The following C1QTNF7 variants were observed in gnomAD, a reference collection of about 807,000 sequenced individuals.
The protein encoded by C1QTNF7 is C1q and TNF related 7, also known as complement C1q tumor necrosis factor-related protein 7.
C1QTNF7 carries 15 observed loss-of-function variants against 19.6 expected under a neutral mutation model. That is an observed-to-expected ratio of 0.76 (90% CI 0.51 to 1.18). C1QTNF7 has a LOEUF of 1.18. Ranked by LOEUF, C1QTNF7 falls within the 50% of genes most tolerant of loss-of-function variation. The pLI, the probability that C1QTNF7 is intolerant of heterozygous loss-of-function variation, is 0.00. For synonymous variants in C1QTNF7, 142 were observed against 137.5 expected (o/e 1.03, Z -0.23); for missense variants, 324 against 359.7 (o/e 0.90, Z 0.80).
At chr4:15,346,108 G>T (rs1716709952) in intron 1 of C1QTNF7, among the ~76,000 whole-genome samples, 1 of 152,144 alleles carries the variant, frequency 6.6e-6, no homozygotes, top group African/African-American at 2.4e-5. Context: ...ATTTCTTAAT[G>T]AAATTTATTT....
At chr4:15,413,375 T>C (rs924733463) in intron 1 of C1QTNF7, among the ~76,000 whole-genome samples, 9 of 152,194 alleles carry the variant, frequency 5.9e-5, no homozygotes, top group Non-Finnish European at 1.3e-4. Flanking sequence ...GTGTAAGAAA[T>C]GGATAACACT....
chr4:15,359,902 G>A (rs1027352430), intron 1 of C1QTNF7, among the ~76,000 whole-genome samples: 15 of 152,128 alleles, frequency 9.9e-5, no homozygotes, highest in African/African-American at 2.9e-4. Flanking sequence ...GCAAGCCCCA[G>A]TACCTACTCC....
chr4:15,407,702 C>T (rs778881901), intron 1 of C1QTNF7, among the ~76,000 whole-genome samples: 8 of 152,156 alleles, frequency 5.3e-5, no homozygotes, highest in Non-Finnish European at 1.0e-4. Flanking sequence ...TGGTGGAATC[C>T]GCACAGCCTG....
chr4:15,353,150 T>C (rs530598994), intron 1 of C1QTNF7, among the ~76,000 whole-genome samples: 2 of 152,310 alleles, frequency 1.3e-5, no homozygotes, highest in Admixed American at 1.3e-4. Flanking sequence ...AAATATTGTT[T>C]TCTCTCCCAA....
At chr4:15,340,470 G>A (rs1190732811) in intron 1 of C1QTNF7, among the ~76,000 whole-genome samples, 1 of 152,124 alleles carries the variant, frequency 6.6e-6, no homozygotes, top group Non-Finnish European at 1.5e-5. Context: ...TGTAAGCGGA[G>A]TCTTCAAAAT....
chr4:15,442,976 T>C lies in C1QTNF7; in HGVS notation c.*177T>C, dbSNP rs1712848247. 1.8e-6 allele frequency: 1 copy of C among 556,232 alleles called. No individual in the cohort carries two copies. Among genetic ancestry groups the C allele is most frequent in the African/African-American group, 1.9e-5 (1 of 52,634 alleles). 34.5% of individuals were successfully genotyped at this position (556,232 alleles called of 1,614,324 possible). A position where few individuals can be genotyped will look rare whatever the true frequency, so the allele number is the denominator to read the frequency against. Reference sequence around the variant, plus strand: ...CAGAAAAGTTGAAACCACAACAAAATGAATTCTATTAAAGAATAGCCCCAG... The same window carrying C: ...CAGAAAAGTTGAAACCACAACAAAACGAATTCTATTAAAGAATAGCCCCAG... On this transcript the variant is annotated 3_prime_UTR_variant, in exon 3 of 3. Transcript: ENST00000444304.
At chr4:15,370,382 T>A (rs1717676704) in intron 1 of C1QTNF7, among the ~76,000 whole-genome samples, 1 of 152,208 alleles carries the variant, frequency 6.6e-6, no homozygotes, top group Non-Finnish European at 1.5e-5. Context: ...GTTTCCACTC[T>A]GTAACTGACA....
intron 1 of C1QTNF7, among the ~76,000 whole-genome samples, chr4:15,363,942 ACT>A (rs1717427262): frequency 6.6e-6 from 1 of 152,170 alleles, no homozygotes; most frequent in African/African-American, 2.4e-5. Flanking sequence ...CAGAGCAGAC[ACT>A]CAAAAAATGG....
At chr4:15,414,101 C>A (rs564731104) in intron 1 of C1QTNF7, among the ~76,000 whole-genome samples, 5 of 152,264 alleles carry the variant, frequency 3.3e-5, no homozygotes, top group African/African-American at 1.2e-4. Context: ...TATGTCTCTC[C>A]TAGAGTTCTG....
intron 1 of C1QTNF7, among the ~76,000 whole-genome samples, chr4:15,411,073 C>T (rs1264037482): frequency 6.6e-6 from 1 of 152,186 alleles, no homozygotes; most frequent in East Asian, 1.9e-4. Context: ...AATGTACGTG[C>T]ATACTAACTT....
chr4:15,407,763 T>TTA (rs1168537787), intron 1 of C1QTNF7, among the ~76,000 whole-genome samples: 3 of 152,070 alleles, frequency 2.0e-5, no homozygotes, highest in East Asian at 1.9e-4. Context: ...CTCCTTCATG[T>TTA]TATATATATA....
At chr4:15,424,590 G>A (rs756641099), upstream of C1QTNF7, among the ~76,000 whole-genome samples, 2 of 152,208 alleles carry the variant, frequency 1.3e-5, no homozygotes, top group African/African-American at 4.8e-5. Flanking sequence ...GTCCCATCAC[G>A]ATGGCCCCAC....
chr4:15,391,899 C>T, intron 1 of C1QTNF7, among the ~76,000 whole-genome samples: 1 of 152,064 alleles, frequency 6.6e-6, no homozygotes, highest in East Asian at 1.9e-4. Context: ...AGGTCCAAAA[C>T]CCATGTTCTT....
Position 15,435,938 on chromosome 4 carries a change from T to C in C1QTNF7, c.195T>C (p.Gly65=). 1 of 1,613,968 alleles carries C rather than the reference T, an allele frequency of 6.2e-7. No individual in the cohort carries two copies. The highest frequency in any genetic ancestry group is 1.1e-5 in the South Asian group (1 of 91,066). The change falls in exon 2 of 3, where the codon GGT becomes GGC. Residue 65 remains glycine (G), a synonymous_variant. Coordinates refer to ENST00000444304, the MANE Select transcript of C1QTNF7 (RefSeq NM_031911.5). The part of the protein sequence containing the change: ...HGRIGLPGRD[G]RDGRKGEKGE... ...GCATCGGCCTTCCAGGAAGAGATGGTAGAGACGGCAGGAAAGGAGAGAAAG... is the reference window on the plus strand; with the variant it reads ...GCATCGGCCTTCCAGGAAGAGATGGCAGAGACGGCAGGAAAGGAGAGAAAG...
chr4:15,368,774 A>C (rs1717621391), intron 1 of C1QTNF7, among the ~76,000 whole-genome samples: 1 of 152,232 alleles, frequency 6.6e-6, no homozygotes, highest in Non-Finnish European at 1.5e-5. Flanking sequence ...TCTTTATAGC[A>C]GCATGATTTA....
At chr4:15,364,065 C>T (rs1717431368) in intron 1 of C1QTNF7, among the ~76,000 whole-genome samples, 1 of 152,152 alleles carries the variant, frequency 6.6e-6, no homozygotes, top group Admixed American at 6.5e-5. Flanking sequence ...TGTTATGATC[C>T]CACTATGGCT....
intron 1 of C1QTNF7, among the ~76,000 whole-genome samples, chr4:15,359,604 C>G (rs934886262): frequency 6.6e-6 from 1 of 152,114 alleles, no homozygotes; most frequent in African/African-American, 2.4e-5. Flanking sequence ...TGAATTAAAA[C>G]CCATGGAGGT....
At chr4:15,433,173 A>G (rs529334362) in intron 1 of C1QTNF7, among the ~76,000 whole-genome samples, 82 of 152,224 alleles carry the variant, frequency 5.4e-4, no homozygotes, top group Non-Finnish European at 9.0e-4. Context: ...CATTATGACT[A>G]TCTTCTATGA....
At chr4:15,384,879 AC>A (rs1718274502) in intron 1 of C1QTNF7, among the ~76,000 whole-genome samples, 2 of 152,050 alleles carry the variant, frequency 1.3e-5, no homozygotes, top group African/African-American at 4.8e-5. Context: ...ATTCTCTTCC[AC>A]CTTGCCCTAT....
Sources: gnomAD v4.1 joint callset for allele counts (sites outside exome capture counted in the v4.1 genomes callset) on GRCh38, gnomAD v4.1.1 for gene constraint, MANE v1.5 for transcripts, NCBI Gene and HGNC (gene_info 2026-07-23, HGNC 2026-07-21) for gene names.